The following IMPG1 variants were observed in gnomAD, a reference collection of about 807,000 sequenced individuals.
IMPG1 encodes interphotoreceptor matrix proteoglycan of 150 kDa.
Under a neutral mutation model 92.0 loss-of-function variants are expected in IMPG1, and 85 were observed. The observed-to-expected ratio is 0.92, with a 90% confidence interval of 0.78 to 1.11. IMPG1 has a LOEUF of 1.11. Ranked by LOEUF, IMPG1 falls within the 50% of genes least tolerant of loss-of-function variation. The pLI, the probability that IMPG1 is intolerant of heterozygous loss-of-function variation, is 0.00. For synonymous variants in IMPG1, 367 were observed against 334.1 expected (o/e 1.10, Z -1.08); for missense variants, 1,022 against 956.0 (o/e 1.07, Z -0.91).
chr6:75,970,070 G>A (rs1417538920), intron 12 of IMPG1, among the ~76,000 whole-genome samples: 1 of 152,032 alleles, frequency 6.6e-6, no homozygotes, highest in African/African-American at 2.4e-5. Context: ...AGAAGGATAG[G>A]ATAATAAACT....
chr6:76,005,651 C>G, intron 9 of IMPG1, 117 bp from the exon 10 acceptor site: 3 of 952,030 alleles, frequency 3.2e-6, no homozygotes, highest in South Asian at 3.2e-5. Flanking sequence ...CTGATGGGCT[C>G]GGAGAGAATA....
chr6:76,006,238 C>T (rs573314261), intron 9 of IMPG1, among the ~76,000 whole-genome samples: 150 of 151,658 alleles, frequency 9.9e-4, no homozygotes, highest in African/African-American at 3.6e-3. Flanking sequence ...ATGAATTATC[C>T]TTTCTTCTAC....
intron 1 of IMPG1, among the ~76,000 whole-genome samples, chr6:76,042,730 A>G (rs1197139681): frequency 6.6e-6 from 1 of 152,000 alleles, no homozygotes; most frequent in African/African-American, 2.4e-5. Context: ...AGGAAGGATA[A>G]AGGGGGAGGC....
intron 15 of IMPG1, among the ~76,000 whole-genome samples, chr6:75,930,596 A>G (rs1562337545): frequency 6.6e-6 from 1 of 152,198 alleles, no homozygotes; most frequent in African/African-American, 2.4e-5. Context: ...TACATCCCCA[A>G]TTAAGGTAGT....
At chr6:76,003,049 A>G (rs1783027545) in intron 11 of IMPG1, 53 bp from the exon 12 acceptor site, 2 of 1,286,654 alleles carry the variant, frequency 1.6e-6, no homozygotes, top group Admixed American at 3.4e-5. Flanking sequence ...TTGTATGTAT[A>G]TGAGAAGGGC....
chr6:75,939,792 TCTCC>T (rs1374432912), intron 14 of IMPG1, among the ~76,000 whole-genome samples: 1 of 152,144 alleles, frequency 6.6e-6, no homozygotes, highest in African/African-American at 2.4e-5. Flanking sequence ...TTAGCAACTT[TCTCC>T]CTGTCTCTGT....
intron 2 of IMPG1, among the ~76,000 whole-genome samples, chr6:76,036,947 T>C (rs1363231952): frequency 6.6e-6 from 1 of 152,202 alleles, no homozygotes; most frequent in Non-Finnish European, 1.5e-5. Context: ...GGGGATTATA[T>C]AGCTAAAAAT....
At chr6:75,935,309 T>G (rs1399512177) in intron 14 of IMPG1, among the ~76,000 whole-genome samples, 2 of 152,224 alleles carry the variant, frequency 1.3e-5, no homozygotes, top group African/African-American at 4.8e-5. Context: ...CGGGCCTGCC[T>G]GGCGGGGGTA....
chr6:75,998,369 T>G (rs1425675975), intron 12 of IMPG1, among the ~76,000 whole-genome samples: 1 of 152,222 alleles, frequency 6.6e-6, no homozygotes, highest in Non-Finnish European at 1.5e-5. Flanking sequence ...CATGGAACAT[T>G]AGCAGCTTGG....
intron 12 of IMPG1, among the ~76,000 whole-genome samples, chr6:75,970,708 T>C (rs1782398237): frequency 6.6e-6 from 1 of 152,192 alleles, no homozygotes; most frequent in African/African-American, 2.4e-5. Flanking sequence ...AATTGTAATA[T>C]GGATTTGACA....
intron 12 of IMPG1, among the ~76,000 whole-genome samples, chr6:75,959,908 G>T (rs1468214910): frequency 1.3e-5 from 2 of 152,086 alleles, no homozygotes; most frequent in African/African-American, 4.8e-5. Context: ...GCAACACTTT[G>T]GTATGAAAAA....
chr6:75,968,474 TCTATC>T (rs1782348248), intron 12 of IMPG1, among the ~76,000 whole-genome samples: 1 of 149,700 alleles, frequency 6.7e-6, no homozygotes, highest in Non-Finnish European at 1.5e-5. Context: ...GATACTTCTA[TCTATC>T]CTTTTATCTT....
intron 12 of IMPG1, among the ~76,000 whole-genome samples, chr6:75,995,130 T>C (rs1782874979): frequency 1.3e-5 from 2 of 152,162 alleles, no homozygotes; most frequent in East Asian, 3.8e-4. Flanking sequence ...TTTATGTTGG[T>C]TTTAATTTTT....
At chr6:76,049,016 C>T (rs1783991769) in intron 1 of IMPG1, among the ~76,000 whole-genome samples, 2 of 152,088 alleles carry the variant, frequency 1.3e-5, no homozygotes, top group Non-Finnish European at 2.9e-5. Context: ...TACTATACAG[C>T]CATAAAAAGG....
chr6:76,034,652 T>C lies in IMPG1; in HGVS notation c.437A>G (p.Asn146Ser). 1 of 1,614,158 alleles carries C rather than the reference T, an allele frequency of 6.2e-7. No individual in the cohort carries two copies. Among genetic ancestry groups the C allele is most frequent in the Non-Finnish European group, 8.5e-7 (1 of 1,179,998 alleles). Residue 146 changes from asparagine (N) to serine (S), a missense_variant, in exon 3 of 17, where the codon AAT (asparagine) becomes AGT (serine). Physicochemically the swap from Asn to Ser is conservative, Grantham distance 46 (BLOSUM62 1). Coordinates refer to ENST00000369950, the MANE Select transcript of IMPG1 (RefSeq NM_001563.4). The part of the protein sequence containing the change: ...CLFDIGKNFS[N>S]SQEHLDLLQQ... ...GAGAAGATCCAGGTGCTCCTGGGAA[T>C]TGCTGAAGTTTTTTCCAATGTCAAA...
At position 76,018,716 on chromosome 6, in the gene IMPG1, A is replaced by T. The variant is rs2149482320; in HGVS notation, c.807+2T>A. 4 of 1,613,004 alleles carry T rather than the reference A, an allele frequency of 2.5e-6. No individual in the cohort carries two copies. The highest frequency in any genetic ancestry group is 3.4e-6 in the Non-Finnish European group (4 of 1,179,480). ...GTGGTTGTATGGGCCGGGTCTACTC[A>T]CCTGAAGTTGGGACTTTCCTGCTAG... On this transcript the variant is annotated splice_donor_variant, in intron 7 of 16. Transcript: ENST00000369950. LOFTEE classifies it high-confidence loss of function.
chr6:75,985,547 T>A (rs985633201), intron 12 of IMPG1, among the ~76,000 whole-genome samples: 1 of 152,172 alleles, frequency 6.6e-6, no homozygotes, highest in Non-Finnish European at 1.5e-5. Context: ...AATCAATACA[T>A]GAAAAAAATT....
chr6:76,046,812 G>A (rs117083846), intron 1 of IMPG1, among the ~76,000 whole-genome samples: 4,093 of 152,176 alleles, frequency 0.027, 75 homozygotes, highest in Non-Finnish European at 0.041. Context: ...TCAGATAATC[G>A]AGACATTTCA....
rs368020594 is a variant in IMPG1 at position 76,014,552 on chromosome 6, T to C, written c.808-3328A>G. ...TGTGGCTTCCTAGGACAAACAGCTT[T>C]GGGGCCACAGGGAATTTGCCATGCT... On this transcript the variant is annotated intron_variant, in intron 7 of 16. Coordinates refer to ENST00000369950, the MANE Select transcript of IMPG1 (RefSeq NM_001563.4). Among the ~76,000 whole-genome samples the C allele has an allele frequency of 2.6e-5, 4 of 152,182 alleles. No homozygotes were observed. The East Asian group carries it at 7.7e-4, about 29-fold the overall frequency.
Sources: allele counts gnomAD v4.1 joint callset (sites outside exome capture counted in the v4.1 genomes callset), GRCh38; gene constraint gnomAD v4.1.1; transcripts MANE v1.5; gene names NCBI Gene and HGNC (gene_info 2026-07-23, HGNC 2026-07-21).